Variants in KIF13A observed in about 807,000 individuals in gnomAD.
KIF13A encodes the protein kinesin-like protein KIF13A.
In KIF13A, 79 loss-of-function variants were observed where a neutral mutation model predicts 212.2. The ratio of observed to expected loss-of-function variants is 0.37; its 90% CI spans 0.31 to 0.45. The LOEUF is 0.45. Ranked by LOEUF, KIF13A falls within the 20% of genes least tolerant of loss-of-function variation. KIF13A has a pLI of 1.00. For missense variants in KIF13A, 1,901 were observed against 2,209.0 expected, an observed-to-expected ratio of 0.86 and a Z score of 2.79; for synonymous variants, 789 against 808.6, an observed-to-expected ratio of 0.98 and a Z score of 0.41.
intron 9 of KIF13A, among the ~76,000 whole-genome samples, chr6:17,846,323 C>T (rs1345026398): frequency 5.9e-5 from 9 of 151,756 alleles, no homozygotes; most frequent in Non-Finnish European, 1.0e-4. Context: ...CAGTCCTTTC[C>T]TCATCTTTAA....
At position 17,806,170 on chromosome 6, in the gene KIF13A, C is replaced by T. The variant is rs577751176; in HGVS notation, c.2164-555G>A. 1.2e-3 allele frequency among the ~76,000 whole-genome samples: 179 copies of T among 152,170 alleles called. 1 individual carries two copies. Among genetic ancestry groups the T allele is most frequent in the African/African-American group, 4.1e-3 (170 of 41,522 alleles). On this transcript the variant is annotated intron_variant, in intron 18 of 38. Transcript: ENST00000259711. ...CTGGTCTCGAACTCCTGTACTCAAG[C>T]GATCTGCCCACCTTGGCCTGCCAAA...
Position 17,785,414 on chromosome 6 carries a change from G to T in KIF13A, c.3488+101C>A. ...CATTCCCTAAGTAGTTCAGCTGGTTGGCATTTTCTGTGACAATCCTGGAAA... is the reference window on the plus strand; with the variant it reads ...CATTCCCTAAGTAGTTCAGCTGGTTTGCATTTTCTGTGACAATCCTGGAAA... On this transcript the variant is annotated intron_variant, in intron 28 of 38. Coordinates refer to ENST00000259711, the MANE Select transcript of KIF13A (RefSeq NM_022113.6). This position sits in a 1 kb window ranked among gnomAD's most constrained non-coding sequence, Gnocchi z 5.8. The T allele has an allele frequency of 1.5e-6, 2 of 1,298,292 alleles. No homozygotes were observed. The highest frequency in any genetic ancestry group is 2.1e-6 in the Non-Finnish European group (2 of 975,604). The allele number at this position is 1,298,292 out of a possible 1,614,324, so 80.4% of individuals were successfully genotyped here. A position where few individuals can be genotyped will look rare whatever the true frequency, so the allele number is the denominator to read the frequency against.
At position 17,831,205 on chromosome 6, in the gene KIF13A, T is replaced by A; in HGVS notation, c.1297A>T (p.Ile433Phe). The part of the protein sequence containing the change: ...ERQRQLESMG[I>F]SLEMSGIKVG... ...TTGATACCGGACATCTCCAGGGAAA[T>A]CCCCATGCTTTCAAGTTGTCGTTGT... Residue 433 changes from isoleucine to phenylalanine, a missense_variant, in exon 13 of 39, where the codon ATT becomes TTT. Around this residue, in one of 5 missense-constraint regions of KIF13A, gnomAD observed 506 missense variants for 637.4 expected, o/e 0.79. Transcript: ENST00000259711. 6.2e-7 allele frequency: 1 copy of A among 1,613,552 alleles called. No homozygotes were observed. The highest frequency in any genetic ancestry group is 1.7e-5 in the Admixed American group (1 of 59,944).
In KIF13A at chr6:17,839,231, T is replaced by A. The variant is rs903837698; in HGVS notation, c.831-1648A>T. On this transcript the variant is annotated intron_variant, in intron 9 of 38. Coordinates refer to ENST00000259711, the MANE Select transcript of KIF13A (RefSeq NM_022113.6). The surrounding 1 kb of genome is among the most constrained non-coding windows in gnomAD (Gnocchi z 4.3). Reference sequence around the variant, plus strand: ...TCTGTGCCTGTAACAAAATTGCACTTGTACCCCATACATTTATCCACAAAA... The same window carrying A: ...TCTGTGCCTGTAACAAAATTGCACTAGTACCCCATACATTTATCCACAAAA... Among the ~76,000 whole-genome samples the A allele has an allele frequency of 2.6e-5, 4 of 152,226 alleles. No homozygotes were observed. The highest frequency in any genetic ancestry group is 9.6e-5 in the African/African-American group (4 of 41,454).
chr6:17,779,136 T>C lies in KIF13A; in HGVS notation c.3940-37A>G, dbSNP rs1021860102. On this transcript the variant is annotated intron_variant, in intron 32 of 38. Transcript: ENST00000259711. ...GGAAGGAAGTGACAATACTTTGATG[T>C]GAACAACGTTTTCATCCAAAGTGTG... 6 of 1,584,514 alleles carry C rather than the reference T, an allele frequency of 3.8e-6. No homozygotes were observed. In the African/African-American group the frequency reaches 4.0e-5, roughly 11 times the overall value.
chr6:17,929,150 A>G (rs959230411), intron 2 of KIF13A, among the ~76,000 whole-genome samples: 4 of 151,798 alleles, frequency 2.6e-5, no homozygotes, highest in Non-Finnish European at 4.4e-5. Flanking sequence ...CTGCTTTGTA[A>G]AGCATATTTT....
At chr6:17,930,650 C>T (rs1293464078) in intron 2 of KIF13A, among the ~76,000 whole-genome samples, 4 of 152,156 alleles carry the variant, frequency 2.6e-5, no homozygotes, top group Non-Finnish European at 5.9e-5. Flanking sequence ...ATAACCTTCC[C>T]TGGGACAGAA....
In KIF13A at chr6:17,924,138, T is replaced by C. The variant is rs890533100; in HGVS notation, c.147-25958A>G. On this transcript the variant is annotated intron_variant, in intron 2 of 38. Transcript: ENST00000259711. ...AATTATCAGGATCACTGAATAAATA[T>C]ATGTTAAAACTGTGAGATATCTGAG... Among the ~76,000 whole-genome samples the C allele has an allele frequency of 3.7e-4, 56 of 152,216 alleles. 2 individuals carry two copies. Among genetic ancestry groups the C allele is most frequent in the African/African-American group, 1.3e-3 (52 of 41,448 alleles).
At chr6:17,833,851 G>A (rs1377128622) in intron 12 of KIF13A, 110 bp downstream of exon 12, 15 of 454,518 alleles carry the variant, frequency 3.3e-5, no homozygotes, top group African/African-American at 8.2e-5. Flanking sequence ...GTGAGACTCC[G>A]TCTCAAAAAA....
In KIF13A at chr6:17,963,632, C is replaced by T. The variant is rs1561811542; in HGVS notation, c.146+23422G>A. ...GAGTGCTGCGCGTGATCGCAGCTTA[C>T]TGCAACCTCCGCCTCCTGGGTTCCA... On this transcript the variant is annotated intron_variant, in intron 2 of 38. Transcript: ENST00000259711. The surrounding 1 kb of genome is among the most constrained non-coding windows in gnomAD (Gnocchi z 4.1). Among the ~76,000 whole-genome samples the T allele has an allele frequency of 2.0e-5, 3 of 152,186 alleles. No individual in the cohort carries two copies. The highest frequency in any genetic ancestry group is 7.2e-5 in the African/African-American group (3 of 41,464).
At position 17,838,106 on chromosome 6, in the gene KIF13A, G is replaced by A. The variant is rs538603973; in HGVS notation, c.831-523C>T. On this transcript the variant is annotated intron_variant, in intron 9 of 38. Transcript: ENST00000259711. The surrounding 1 kb of genome is among the most constrained non-coding windows in gnomAD (Gnocchi z 4.2). ...CTGAGGCAGGTGGATCATGAGGTCA[G>A]GGGTCAGGAGATCAAGACCATCCTG... Among the ~76,000 whole-genome samples the A allele has an allele frequency of 2.0e-5, 3 of 152,132 alleles. No individual in the cohort carries two copies. The East Asian group carries it at 5.8e-4, about 29-fold the overall frequency.
At chr6:17,917,589 A>G (rs1246065830) in intron 2 of KIF13A, among the ~76,000 whole-genome samples, 5 of 152,034 alleles carry the variant, frequency 3.3e-5, no homozygotes, top group African/African-American at 1.2e-4. Context: ...CCTTACCACT[A>G]TTGAGGTGGA....
chr6:17,760,703 G>A (rs1176601588), downstream of KIF13A: 3 of 669,082 alleles, frequency 4.5e-6, no homozygotes, highest in Admixed American at 2.5e-5. Flanking sequence ...GGGAAAGGAG[G>A]TGGCCCAGGA....
intron 6 of KIF13A, among the ~76,000 whole-genome samples, chr6:17,852,458 C>T (rs1015441103): frequency 6.6e-6 from 1 of 152,154 alleles, no homozygotes; most frequent in Non-Finnish European, 1.5e-5. Flanking sequence ...CTCACTCTGT[C>T]GCCCAGGCTA....
chr6:17,910,574 A>T lies in KIF13A; in HGVS notation c.147-12394T>A, dbSNP rs184032326. On this transcript the variant is annotated intron_variant, in intron 2 of 38. Transcript: ENST00000259711. Reference sequence around the variant, plus strand: ...AATGAATAGTAAGACAATTTTTTTTAAAATTAACTGTTAGTTTTTGTCAAA... The same window carrying T: ...AATGAATAGTAAGACAATTTTTTTTTAAATTAACTGTTAGTTTTTGTCAAA... Among the ~76,000 whole-genome samples, 267 of 121,904 alleles carry T rather than the reference A, an allele frequency of 2.2e-3. 3 individuals are homozygous for T. Among genetic ancestry groups the T allele is most frequent in the East Asian group, 0.018 (62 of 3,496 alleles). 80.0% of individuals were successfully genotyped at this position (121,904 alleles called of 152,430 possible).
intron 16 of KIF13A, among the ~76,000 whole-genome samples, chr6:17,818,921 C>A (rs1285198384): frequency 6.6e-6 from 1 of 151,182 alleles, no homozygotes; most frequent in Non-Finnish European, 1.5e-5. Context: ...ATATAAAATT[C>A]TAAAATTCAG....
At position 17,898,905 on chromosome 6, in the gene KIF13A, G is replaced by A. The variant is rs377543823; in HGVS notation, c.147-725C>T. Among the ~76,000 whole-genome samples the A allele has an allele frequency of 7.2e-5, 11 of 152,244 alleles. No individual in the cohort carries two copies. The East Asian group carries it at 1.5e-3, about 21-fold the overall frequency. ...GGATGGAGTGCAGTGATGTGATCAT[G>A]GCTCAGTGCAACCTTGAACTCCTGG... On this transcript the variant is annotated intron_variant, in intron 2 of 38. Coordinates refer to ENST00000259711, the MANE Select transcript of KIF13A (RefSeq NM_022113.6). This position sits in a 1 kb window ranked among gnomAD's most constrained non-coding sequence, Gnocchi z 5.2.
intron 22 of KIF13A, among the ~76,000 whole-genome samples, chr6:17,798,668 T>A (rs1041907944): frequency 5.9e-5 from 9 of 152,196 alleles, no homozygotes; most frequent in African/African-American, 2.2e-4. Flanking sequence ...TAGAAATGAC[T>A]TGTCAGCAGT....
chr6:17,859,638 A>ATTTTTTTTTTTTTTTTTTTTTTTT (rs1176958380), intron 4 of KIF13A, among the ~76,000 whole-genome samples: 1 of 111,858 alleles, frequency 8.9e-6, no homozygotes, highest in African/African-American at 3.5e-5. Context: ...ATATATATAT[A>ATTTTTTTTTTTTTTTTTTTTTTTT]TTTTTTTTTT....
Sources: allele counts gnomAD v4.1 joint callset (sites outside exome capture counted in the v4.1 genomes callset), GRCh38; gene constraint gnomAD v4.1.1; regional missense constraint gnomAD v4.1.1; non-coding constraint Gnocchi (gnomAD v3.1); transcripts MANE v1.5; gene names NCBI Gene and HGNC (gene_info 2026-07-23, HGNC 2026-07-21).